MCPH1: variants seen among roughly 807,000 people sequenced by gnomAD.
The protein encoded by MCPH1 is microcephalin 1.
In MCPH1, 104 loss-of-function variants were observed where a neutral mutation model predicts 84.5. That is an observed-to-expected ratio of 1.23 (90% CI 1.05 to 1.45). The LOEUF (loss-of-function observed/expected upper bound fraction) is 1.45, where lower values mean the gene tolerates loss of function less well. Among genes scored for constraint, MCPH1 ranks in the 40% most tolerant of loss-of-function variants. The pLI is 0.00. For synonymous variants in MCPH1, 514 were observed against 366.8 expected (o/e 1.40, Z -4.58); for missense variants, 1,498 against 1,005.7 (o/e 1.49, Z -6.62).
Position 6,586,952 on chromosome 8 carries a change from G to A in MCPH1, c.2215-34502G>A, listed in dbSNP as rs957686554. ...AAACAGCTCTGCTAACAGAGTGCAGGCTGTGGGAGCCGAGCCCCGTTGCAG... is the reference window on the plus strand; with the variant it reads ...AAACAGCTCTGCTAACAGAGTGCAGACTGTGGGAGCCGAGCCCCGTTGCAG... On this transcript the variant is annotated intron_variant, in intron 12 of 13. Transcript: ENST00000344683. 6.6e-5 allele frequency among the ~76,000 whole-genome samples: 10 copies of A among 152,238 alleles called. No individual in the cohort carries two copies. The East Asian group carries it at 1.9e-3, about 29-fold the overall frequency.
chr8:6,497,387 C>A (rs1362080047), intron 11 of MCPH1, among the ~76,000 whole-genome samples: 1 of 152,086 alleles, frequency 6.6e-6, no homozygotes, highest in African/African-American at 2.4e-5. Flanking sequence ...CCTGTAGTCT[C>A]AGCTACACAG....
At chr8:6,428,768 C>CACACACAG (rs1491084482) in intron 3 of MCPH1, among the ~76,000 whole-genome samples, 2 of 151,044 alleles carry the variant, frequency 1.3e-5, no homozygotes, top group African/African-American at 4.9e-5. Context: ...CACACACACA[C>CACACACAG]AGAAGAACTA....
At chr8:6,521,937 T>C (rs375532891) in intron 12 of MCPH1, among the ~76,000 whole-genome samples, 1 of 152,246 alleles carries the variant, frequency 6.6e-6, no homozygotes, top group East Asian at 1.9e-4. Flanking sequence ...ACTCAAGTAC[T>C]GGCTTACCAG....
intron 12 of MCPH1, among the ~76,000 whole-genome samples, chr8:6,567,229 C>T (rs376630987): frequency 4.0e-5 from 6 of 150,756 alleles, no homozygotes; most frequent in East Asian, 3.9e-4. Context: ...CGTGTGTGAT[C>T]GGTAAGGCCA....
At chr8:6,611,415 A>G (rs1830254505) in intron 12 of MCPH1, among the ~76,000 whole-genome samples, 1 of 152,180 alleles carries the variant, frequency 6.6e-6, no homozygotes, top group African/African-American at 2.4e-5. Context: ...GCAGCTCACA[A>G]AACTCAGAGA....
chr8:6,495,997 T>C (rs1437561004), intron 11 of MCPH1, among the ~76,000 whole-genome samples: 1 of 152,122 alleles, frequency 6.6e-6, no homozygotes, highest in Non-Finnish European at 1.5e-5. Context: ...TCCAGGGACT[T>C]GGGGGTTGGG....
intron 3 of MCPH1, among the ~76,000 whole-genome samples, chr8:6,424,818 C>T (rs931578278): frequency 6.6e-6 from 1 of 152,230 alleles, no homozygotes; most frequent in African/African-American, 2.4e-5. Context: ...GTGCAGACTT[C>T]TCTGAGTCTC....
chr8:6,625,472 T>G, intron 13 of MCPH1: 2 of 985,318 alleles, frequency 2.0e-6, no homozygotes, highest in Non-Finnish European at 2.4e-6. Context: ...ATCGCAATAT[T>G]GAAAAACTAG....
Position 6,508,558 on chromosome 8 carries a change from T to C in MCPH1, c.2214+8629T>C, listed in dbSNP as rs942456806. Reference sequence around the variant, plus strand: ...GTTGGAAATATTTCTATAATCTATATTACTGTTGTGGTTGCTACTTGGAAT... The same window carrying C: ...GTTGGAAATATTTCTATAATCTATACTACTGTTGTGGTTGCTACTTGGAAT... On this transcript the variant is annotated intron_variant, in intron 12 of 13. Transcript: ENST00000344683. 4 of 387,426 alleles carry C rather than the reference T, an allele frequency of 1.0e-5. No homozygotes were observed. The Admixed American group carries it at 1.7e-4, about 17-fold the overall frequency. 24.0% of individuals were successfully genotyped at this position (387,426 alleles called of 1,614,324 possible).
chr8:6,508,310 G>C (rs1482157589), intron 12 of MCPH1: 1 of 152,490 alleles, frequency 6.6e-6, no homozygotes. Context: ...TTAGCCGGGT[G>C]CACTGGTGGG....
In MCPH1 at chr8:6,551,147, C is replaced by A. The variant is rs148529249; in HGVS notation, c.2214+51218C>A. The stretch of plus-strand genomic sequence containing the variant: ...TCGAAGCTGACCATCTGTGCTGATG[C>A]TGACTTAGGATTTTAAATCACTTAA... On this transcript the variant is annotated intron_variant, in intron 12 of 13. Transcript: ENST00000344683. Among the ~76,000 whole-genome samples, 525 of 152,304 alleles carry A rather than the reference C, an allele frequency of 3.4e-3. 12 individuals are homozygous for A. The highest frequency in any genetic ancestry group is 0.03 in the Admixed American group (463 of 15,298).
At chr8:6,410,552 A>G (rs1798395337) in intron 2 of MCPH1, among the ~76,000 whole-genome samples, 1 of 152,202 alleles carries the variant, frequency 6.6e-6, no homozygotes, top group Non-Finnish European at 1.5e-5. Context: ...GCTTGTGTTC[A>G]GGTAGCCTCT....
At position 6,640,059 on chromosome 8, in the gene MCPH1, C is replaced by CTGTGT. The variant is rs571514899; in HGVS notation, c.2453-2935_2453-2934insTGTGT. Among the ~76,000 whole-genome samples the CTGTGT allele has an allele frequency of 2.2e-5, 3 of 134,196 alleles. No individual in the cohort carries two copies. In the East Asian group the frequency reaches 6.9e-4, roughly 31 times the overall value. 88.0% of individuals were successfully genotyped at this position (134,196 alleles called of 152,430 possible). ...CGGCTGGCTTCTGCTATTTTAAACT[C>CTGTGT]GTGTGTGTGTGTGTGTGTGTGTGTG... On this transcript the variant is annotated intron_variant, in intron 13 of 13. Transcript: ENST00000344683.
intron 9 of MCPH1, among the ~76,000 whole-genome samples, chr8:6,466,584 G>T (rs993678017): frequency 1.3e-5 from 2 of 152,200 alleles, no homozygotes; most frequent in Non-Finnish European, 2.9e-5. Flanking sequence ...TGGGATTACA[G>T]GCATGAGCCA....
rs145371987 is a variant in MCPH1, at chr8:6,594,780, G to C, written c.2215-26674G>C. 4.0e-3 allele frequency among the ~76,000 whole-genome samples: 605 copies of C among 152,188 alleles called. 3 individuals carry two copies. Among genetic ancestry groups the C allele is most frequent in the Non-Finnish European group, 5.9e-3 (399 of 68,032 alleles). ...TCTCATTTCTGCGATGCTACAGAGA[G>C]GGAAGGGGAGGCATACATATGTCAG... On this transcript the variant is annotated intron_variant, in intron 12 of 13. Transcript: ENST00000344683.
chr8:6,427,945 A>C (rs976982257), intron 3 of MCPH1, among the ~76,000 whole-genome samples: 1 of 151,864 alleles, frequency 6.6e-6, no homozygotes, highest in African/African-American at 2.4e-5. Flanking sequence ...GGCACGCACC[A>C]CCACGCCCGG....
intron 9 of MCPH1, among the ~76,000 whole-genome samples, chr8:6,476,854 T>A (rs1179034831): frequency 6.6e-6 from 1 of 152,214 alleles, no homozygotes; most frequent in Admixed American, 6.5e-5. Flanking sequence ...TTTATATATG[T>A]ATATGCATGC....
intron 3 of MCPH1, among the ~76,000 whole-genome samples, chr8:6,429,405 C>G (rs894274300): frequency 6.6e-6 from 1 of 152,068 alleles, no homozygotes; most frequent in Non-Finnish European, 1.5e-5. Flanking sequence ...GCACTTTGCC[C>G]CCTGCCCCAC....
At chr8:6,415,134 T>C (rs1338987287) in intron 3 of MCPH1, among the ~76,000 whole-genome samples, 2 of 151,916 alleles carry the variant, frequency 1.3e-5, no homozygotes, top group Non-Finnish European at 2.9e-5. Flanking sequence ...AAGGTGGACT[T>C]AGGAAGCAAG....
Sources: gnomAD v4.1 joint callset for allele counts (sites outside exome capture counted in the v4.1 genomes callset) on GRCh38, gnomAD v4.1.1 for gene constraint, MANE v1.5 for transcripts, NCBI Gene and HGNC (gene_info 2026-07-23, HGNC 2026-07-21) for gene names.